CNRIP1: variants seen among roughly 807,000 people sequenced by gnomAD.
CNRIP1 encodes the protein cannabinoid receptor interacting protein 1, also known as CB1 cannabinoid receptor-interacting protein 1.
A neutral mutation model predicts 15.2 loss-of-function variants in CNRIP1; 10 were observed. The observed-to-expected ratio is 0.66, with a 90% CI of 0.41 to 1.12. The LOEUF is 1.12. Among genes scored for constraint, CNRIP1 ranks in the 50% most tolerant of loss-of-function variants. The pLI is 0.00. For missense variants in CNRIP1, 211 were observed against 214.7 expected (o/e 0.98, Z 0.11); for synonymous variants, 91 against 83.2 (o/e 1.09, Z -0.51).
At chr2:68,317,688 T>A (rs1672326537) in intron 1 of CNRIP1, among the ~76,000 whole-genome samples, 1 of 152,170 alleles carries the variant, frequency 6.6e-6, no homozygotes, top group South Asian at 2.1e-4. Flanking sequence ...TTCTACACCA[T>A]CAGAAATTCT....
chr2:68,302,947 A>T (rs957250348), intron 2 of CNRIP1, among the ~76,000 whole-genome samples: 3 of 144,856 alleles, frequency 2.1e-5, no homozygotes, highest in African/African-American at 7.8e-5. Flanking sequence ...CCCGGGGTTC[A>T]CGCCATTCTC....
intron 2 of CNRIP1, among the ~76,000 whole-genome samples, chr2:68,296,527 C>A (rs1671362325): frequency 6.7e-6 from 1 of 150,352 alleles, no homozygotes; most frequent in Non-Finnish European, 1.5e-5. Context: ...CAATAAAGAC[C>A]CTGTCTCAAA....
At chr2:68,284,499 A>T in intron 2 of CNRIP1, 1 of 1,525,820 alleles carries the variant, frequency 6.6e-7, no homozygotes, top group Non-Finnish European at 8.8e-7. Context: ...AAATAAATAG[A>T]TACCAGAATA....
In CNRIP1 at chr2:68,317,138, AC is replaced by A; in HGVS notation, c.330+18del. 1.2e-6 allele frequency: 2 copies of A among 1,613,914 alleles called. No homozygotes were observed. The highest frequency in any genetic ancestry group is 1.7e-6 in the Non-Finnish European group (2 of 1,179,930). On this transcript the variant is annotated intron_variant, in intron 2 of 2. Coordinates refer to ENST00000263655, the MANE Select transcript of CNRIP1 (RefSeq NM_015463.3). ...ATTTTCCATGGCACCATACTCCTAT[AC>A]CCGCAAGCAAGCCTTACCGGCATGG...
intron 2 of CNRIP1, among the ~76,000 whole-genome samples, chr2:68,300,624 T>TA (rs1671569598): frequency 1.4e-5 from 2 of 143,998 alleles, no homozygotes; most frequent in Non-Finnish European, 3.1e-5. Flanking sequence ...CTCAAAAAAA[T>TA]AAAAAAAGAA....
downstream of CNRIP1, among the ~76,000 whole-genome samples, chr2:68,288,369 A>G (rs1438771252): frequency 6.6e-6 from 1 of 152,126 alleles, no homozygotes; most frequent in Non-Finnish European, 1.5e-5. Context: ...GGGCGTTCCA[A>G]GCAGAGGGAA....
chr2:68,301,813 A>AC (rs1267596824), intron 2 of CNRIP1, among the ~76,000 whole-genome samples: 3 of 144,544 alleles, frequency 2.1e-5, no homozygotes, highest in Non-Finnish European at 3.0e-5. Flanking sequence ...AATGGCGTGA[A>AC]CCCGGGAGGC....
intron 2 of CNRIP1, among the ~76,000 whole-genome samples, chr2:68,302,896 G>T (rs1183483595): frequency 1.3e-5 from 2 of 148,596 alleles, no homozygotes; most frequent in Admixed American, 6.7e-5. Context: ...GCCCAGGCTG[G>T]AGTGCAGTGG....
Position 68,317,250 on chromosome 2 carries a change from A to T in CNRIP1, c.237T>A (p.Asp79Glu), listed in dbSNP as rs1369524767. 1 of 1,614,216 alleles carries T rather than the reference A, an allele frequency of 6.2e-7. No individual in the cohort carries two copies. The highest frequency in any genetic ancestry group is 1.1e-5 in the South Asian group (1 of 91,090). Reference sequence around the variant, plus strand: ...TACCCGTATAAACAACTCTGTCCCCATCAGGCTCTTTAGACTTCAGTTCCA... The same window carrying T: ...TACCCGTATAAACAACTCTGTCCCCTTCAGGCTCTTTAGACTTCAGTTCCA... ...VPLELKSKEPDGDRVVYTGTY... is the reference protein window; with the variant it reads ...VPLELKSKEPEGDRVVYTGTY... The change falls in exon 2 of 3, where the codon GAT becomes GAA. Residue 79 changes from aspartate to glutamate, a missense_variant. By Grantham distance (45) the Asp-to-Glu change is conservative. Coordinates refer to ENST00000263655, the MANE Select transcript of CNRIP1 (RefSeq NM_015463.3).
intron 2 of CNRIP1, among the ~76,000 whole-genome samples, chr2:68,308,488 T>C (rs1671950852): frequency 6.6e-6 from 1 of 152,152 alleles, no homozygotes; most frequent in African/African-American, 2.4e-5. Flanking sequence ...GATTTCTATT[T>C]AAAAATCAAG....
chr2:68,305,735 G>C (rs1359504732), intron 2 of CNRIP1, among the ~76,000 whole-genome samples: 2 of 149,806 alleles, frequency 1.3e-5, no homozygotes, highest in Admixed American at 6.7e-5. Flanking sequence ...GGCGGAGCTT[G>C]CAGTAAGCCG....
chr2:68,303,521 T>G (rs534987064), intron 2 of CNRIP1, among the ~76,000 whole-genome samples: 18 of 152,330 alleles, frequency 1.2e-4, no homozygotes, highest in African/African-American at 4.1e-4. Context: ...GCCTCTGGTC[T>G]TAGCAGGTTG....
At chr2:68,291,160 G>A (rs148203559), downstream of CNRIP1, among the ~76,000 whole-genome samples, 26 of 152,256 alleles carry the variant, frequency 1.7e-4, no homozygotes, top group African/African-American at 3.4e-4. Context: ...ATCACTTAAC[G>A]TGCAGATTAG....
chr2:68,301,630 G>C (rs1289931635), intron 2 of CNRIP1, among the ~76,000 whole-genome samples: 1 of 152,118 alleles, frequency 6.6e-6, no homozygotes, highest in East Asian at 1.9e-4. Flanking sequence ...GGTGGCTCAT[G>C]CCTGTAATCC....
At chr2:68,286,819 T>C (rs1328092150) in intron 2 of CNRIP1, among the ~76,000 whole-genome samples, 1 of 152,224 alleles carries the variant, frequency 6.6e-6, no homozygotes, top group Non-Finnish European at 1.5e-5. Context: ...CTGCTCACAA[T>C]AGCTATATGA....
chr2:68,285,689 AAAAG>A (rs199838532), intron 2 of CNRIP1, among the ~76,000 whole-genome samples: 4,893 of 150,992 alleles, frequency 0.032, 103 homozygotes, highest in Admixed American at 0.076. Flanking sequence ...AAAAGAAAAG[AAAAG>A]AAAGAAAGGC....
chr2:68,288,067 G>GGCCAGCCAGCCAGCCAGCCA (rs70949693), downstream of CNRIP1, among the ~76,000 whole-genome samples: 4 of 149,758 alleles, frequency 2.7e-5, no homozygotes, highest in African/African-American at 7.4e-5. Flanking sequence ...GCAGCCGGCC[G>GGCCAGCCAGCCAGCCAGCCA]GCCAGCCAGC....
intron 2 of CNRIP1, 110 bp downstream of exon 2, chr2:68,317,047 G>T: frequency 7.6e-7 from 1 of 1,321,038 alleles, no homozygotes; most frequent in Non-Finnish European, 1.1e-6. Context: ...AATTTCCACA[G>T]TAATTGGCTC....
chr2:68,310,800 A>G (rs1370380906), intron 2 of CNRIP1, among the ~76,000 whole-genome samples: 1 of 152,176 alleles, frequency 6.6e-6, no homozygotes, highest in African/African-American at 2.4e-5. Flanking sequence ...GCAATTACAA[A>G]TGTGCTCAGA....
Sources: gnomAD v4.1 joint callset for allele counts (sites outside exome capture counted in the v4.1 genomes callset) on GRCh38, gnomAD v4.1.1 for gene constraint, MANE v1.5 for transcripts, NCBI Gene and HGNC (gene_info 2026-07-23, HGNC 2026-07-21) for gene names.